The following TMEM117 variants were observed in gnomAD, a reference collection of about 807,000 sequenced individuals.
TMEM117 encodes the protein transmembrane protein 117.
A neutral mutation model predicts 52.4 loss-of-function variants in TMEM117; 27 were observed. That is an observed-to-expected ratio of 0.51 (90% confidence interval 0.38 to 0.71). The LOEUF (loss-of-function observed/expected upper bound fraction) is 0.71. Among genes scored for constraint, TMEM117 ranks in the 30% least tolerant of loss-of-function variants. The pLI is 0.00. For synonymous variants in TMEM117, 215 were observed against 206.3 expected, an observed-to-expected ratio of 1.04 and a Z score of -0.36; for missense variants, 556 against 630.5, an observed-to-expected ratio of 0.88 and a Z score of 1.26.
chr12:44,140,701 G>A (rs1289142850), intron 3 of TMEM117, among the ~76,000 whole-genome samples: 1 of 152,112 alleles, frequency 6.6e-6, no homozygotes, highest in Non-Finnish European at 1.5e-5. Context: ...CAAATGGCCT[G>A]GGTAAGGGCT....
intron 3 of TMEM117, among the ~76,000 whole-genome samples, chr12:44,048,094 G>A (rs914426369): frequency 6.6e-6 from 1 of 151,908 alleles, no homozygotes; most frequent in African/African-American, 2.4e-5. Flanking sequence ...TGTTTATTGT[G>A]TCAATTTTGT....
chr12:43,892,399 C>T (rs1944123429), intron 2 of TMEM117, among the ~76,000 whole-genome samples: 1 of 152,282 alleles, frequency 6.6e-6, no homozygotes, highest in East Asian at 1.9e-4. Context: ...TGGCATGTTA[C>T]CAAATTCCAG....
Position 44,149,886 on chromosome 12 carries a change from A to G in TMEM117, c.510+6262A>G, listed in dbSNP as rs116332043. ...CAATAACAGTTTAATTGAACTTCATAATAGAAAAAAAATTTAAACCATGAA... is the reference window on the plus strand; with the variant it reads ...CAATAACAGTTTAATTGAACTTCATGATAGAAAAAAAATTTAAACCATGAA... On this transcript the variant is annotated intron_variant, in intron 4 of 7. Transcript: ENST00000266534. Among the ~76,000 whole-genome samples, 942 of 152,354 alleles carry G rather than the reference A, an allele frequency of 6.2e-3. 9 individuals carry two copies. Among genetic ancestry groups the G allele is most frequent in the African/African-American group, 0.021 (863 of 41,582 alleles).
chr12:44,067,429 A>C (rs1592488559), intron 3 of TMEM117, among the ~76,000 whole-genome samples: 2 of 152,176 alleles, frequency 1.3e-5, no homozygotes, highest in African/African-American at 4.8e-5. Context: ...TGTCGTAAAT[A>C]ATAAGACTTG....
intron 6 of TMEM117, among the ~76,000 whole-genome samples, chr12:44,329,480 AATCT>A: frequency 6.6e-6 from 1 of 152,152 alleles, no homozygotes; most frequent in Non-Finnish European, 1.5e-5. Flanking sequence ...TGTTTAACCC[AATCT>A]TTCTTCCTGT....
rs190045158 is a variant in TMEM117, at chr12:43,970,198, G to A, written c.410+25856G>A. On this transcript the variant is annotated intron_variant, in intron 3 of 7. Transcript: ENST00000266534. ...ATGTACAACAGTGCTTGTGTTCAAGGAACCCTTATTTTACTTCATAATGAC... is the reference window on the plus strand; with the variant it reads ...ATGTACAACAGTGCTTGTGTTCAAGAAACCCTTATTTTACTTCATAATGAC... Among the ~76,000 whole-genome samples the A allele has an allele frequency of 4.3e-3, 660 of 152,234 alleles. 5 individuals are homozygous for A. Among genetic ancestry groups the A allele is most frequent in the African/African-American group, 0.015 (635 of 41,536 alleles).
chr12:44,211,073 T>G (rs1237781868), intron 4 of TMEM117, among the ~76,000 whole-genome samples: 59 of 152,162 alleles, frequency 3.9e-4, no homozygotes, highest in Non-Finnish European at 1.5e-5. Context: ...TCTGACATGT[T>G]GAATGACTTT....
At chr12:44,310,657 A>G (rs920700900) in intron 6 of TMEM117, among the ~76,000 whole-genome samples, 4 of 152,226 alleles carry the variant, frequency 2.6e-5, no homozygotes, top group African/African-American at 7.2e-5. Flanking sequence ...ACACAAAATA[A>G]TCACCGGAAC....
chr12:44,011,078 A>G (rs912202400), intron 3 of TMEM117, among the ~76,000 whole-genome samples: 1 of 152,026 alleles, frequency 6.6e-6, no homozygotes, highest in African/African-American at 2.4e-5. Flanking sequence ...ACTAGCAACA[A>G]ATTTTCTCAT....
chr12:44,136,995 G>A (rs1486246209), intron 3 of TMEM117, among the ~76,000 whole-genome samples: 2 of 150,088 alleles, frequency 1.3e-5, no homozygotes, highest in South Asian at 2.1e-4. Flanking sequence ...TCCTACTTTG[G>A]CCCTGATGTC....
At chr12:44,314,538 T>C (rs1198894710) in intron 6 of TMEM117, among the ~76,000 whole-genome samples, 2 of 151,460 alleles carry the variant, frequency 1.3e-5, no homozygotes, top group African/African-American at 4.8e-5. Context: ...TCTATGTTTA[T>C]CAGGGATATT....
intron 4 of TMEM117, among the ~76,000 whole-genome samples, chr12:44,152,106 A>G (rs1349680301): frequency 1.8e-5 from 2 of 113,944 alleles, no homozygotes; most frequent in East Asian, 5.1e-4. Flanking sequence ...AATATATAAT[A>G]TATAATATAA....
intron 6 of TMEM117, among the ~76,000 whole-genome samples, chr12:44,341,747 C>G (rs542456339): frequency 2.0e-5 from 3 of 152,164 alleles, no homozygotes; most frequent in Admixed American, 2.0e-4. Flanking sequence ...GGTTATATAG[C>G]TGGGAAAGGA....
chr12:43,852,323 G>T (rs932027096), intron 2 of TMEM117, among the ~76,000 whole-genome samples: 1 of 152,114 alleles, frequency 6.6e-6, no homozygotes, highest in African/African-American at 2.4e-5. Context: ...CCCAGCTAGT[G>T]GGGAGGCTGA....
At chr12:44,072,347 A>G (rs1400354492) in intron 3 of TMEM117, among the ~76,000 whole-genome samples, 1 of 152,190 alleles carries the variant, frequency 6.6e-6, no homozygotes. Context: ...TGCTAAAAAT[A>G]TTGCTCTTGT....
chr12:44,133,079 A>T (rs746912065), intron 3 of TMEM117, among the ~76,000 whole-genome samples: 4 of 152,228 alleles, frequency 2.6e-5, no homozygotes, highest in Non-Finnish European at 5.9e-5. Context: ...CTATTGGCTT[A>T]TGGTAGCACA....
chr12:44,063,600 A>C (rs1427865388), intron 3 of TMEM117, among the ~76,000 whole-genome samples: 2 of 151,378 alleles, frequency 1.3e-5, no homozygotes, highest in African/African-American at 2.4e-5. Flanking sequence ...TATATCTCCT[A>C]ATGCTATCCC....
At chr12:43,927,511 T>G (rs1944799176) in intron 2 of TMEM117, among the ~76,000 whole-genome samples, 1 of 151,748 alleles carries the variant, frequency 6.6e-6, no homozygotes, top group Non-Finnish European at 1.5e-5. Context: ...CTCACACTGA[T>G]TATAGATTTT....
At chr12:43,955,006 C>T (rs1003512980) in intron 3 of TMEM117, among the ~76,000 whole-genome samples, 5 of 152,082 alleles carry the variant, frequency 3.3e-5, no homozygotes, top group African/African-American at 1.2e-4. Context: ...ATGCAATTCA[C>T]CACATAAGCA....
Sources: allele counts gnomAD v4.1 joint callset (sites outside exome capture counted in the v4.1 genomes callset), GRCh38; gene constraint gnomAD v4.1.1; transcripts MANE v1.5; gene names NCBI Gene and HGNC (gene_info 2026-07-23, HGNC 2026-07-21).